Variants in DLG2 observed in about 807,000 individuals in gnomAD.
DLG2 encodes the protein disks large homolog 2.
In DLG2, 45 loss-of-function variants were observed where a neutral mutation model predicts 132.5. The ratio of observed to expected loss-of-function variants is 0.34; its 90% CI spans 0.27 to 0.44. The LOEUF is 0.44. Among genes scored for constraint, DLG2 ranks in the 20% least tolerant of loss-of-function variants. The pLI is 1.00. For synonymous variants in DLG2, 424 were observed against 419.6 expected (o/e 1.01, Z -0.13); for missense variants, 1,045 against 1,196.9 (o/e 0.87, Z 1.87).
chr11:85,331,192 A>T (rs143738544), intron 3 of DLG2, among the ~76,000 whole-genome samples: 20 of 152,282 alleles, frequency 1.3e-4, no homozygotes, highest in Non-Finnish European at 2.5e-4. Flanking sequence ...TGGCCTATGG[A>T]CATGTGGCAT....
chr11:84,947,593 C>A (rs907491562), intron 6 of DLG2, among the ~76,000 whole-genome samples: 2 of 152,192 alleles, frequency 1.3e-5, no homozygotes, highest in African/African-American at 4.8e-5. Flanking sequence ...TACACCCTTA[C>A]CCACTTTTGA....
At chr11:83,927,999 C>A (rs1486571155) in intron 15 of DLG2, among the ~76,000 whole-genome samples, 1 of 151,912 alleles carries the variant, frequency 6.6e-6, no homozygotes, top group Non-Finnish European at 1.5e-5. Flanking sequence ...GGAGGAGGAG[C>A]AAAGTGGGGT....
At chr11:84,714,567 C>CTCTTTCTCTTTCTCTTTCTCTTTCTCTT (rs1210050530) in intron 6 of DLG2, among the ~76,000 whole-genome samples, 1 of 120,128 alleles carries the variant, frequency 8.3e-6, no homozygotes, top group Non-Finnish European at 1.6e-5. Flanking sequence ...CTTTCTCTTT[C>CTCTTTCTCTTTCTCTTTCTCTTTCTCTT]TCTTTCTCTT....
At chr11:84,073,412 C>T (rs1379340816) in intron 10 of DLG2, among the ~76,000 whole-genome samples, 1 of 151,696 alleles carries the variant, frequency 6.6e-6, no homozygotes, top group African/African-American at 2.4e-5. Flanking sequence ...AATAATAAGA[C>T]CTCAAATATA....
chr11:84,440,886 A>T (rs1449464173), intron 7 of DLG2, among the ~76,000 whole-genome samples: 1 of 152,180 alleles, frequency 6.6e-6, no homozygotes, highest in Non-Finnish European at 1.5e-5. Flanking sequence ...ATTTTTGTTT[A>T]AAAATAATCT....
chr11:85,011,074 C>T (rs1220677614), intron 6 of DLG2, among the ~76,000 whole-genome samples: 1 of 152,084 alleles, frequency 6.6e-6, no homozygotes. Flanking sequence ...CACTAATTGC[C>T]AATATGCCTC....
At chr11:83,890,811 C>G (rs1220357545) in intron 15 of DLG2, among the ~76,000 whole-genome samples, 1 of 152,002 alleles carries the variant, frequency 6.6e-6, no homozygotes, top group Non-Finnish European at 1.5e-5. Context: ...CTGAAATAAC[C>G]AATGGGTCGA....
intron 3 of DLG2, among the ~76,000 whole-genome samples, chr11:85,304,235 TTGTTCATCC>T (rs1160863970): frequency 6.6e-5 from 10 of 152,282 alleles, no homozygotes; most frequent in African/African-American, 1.9e-4. Context: ...TTAAATGTTA[TTGTTCATCC>T]ACTATGCATA....
intron 6 of DLG2, among the ~76,000 whole-genome samples, chr11:85,110,711 GC>G (rs2072586039): frequency 6.6e-6 from 1 of 151,950 alleles, no homozygotes; most frequent in South Asian, 2.1e-4. Flanking sequence ...GCTCCCCCAG[GC>G]TTACTGCTAA....
chr11:84,809,488 A>G (rs374420522), intron 6 of DLG2, among the ~76,000 whole-genome samples: 1 of 151,750 alleles, frequency 6.6e-6, no homozygotes, highest in South Asian at 2.1e-4. Flanking sequence ...TCCTATTTGC[A>G]TATGACATGA....
chr11:83,479,588 G>T (rs1308206300), intron 22 of DLG2, among the ~76,000 whole-genome samples: 6 of 152,102 alleles, frequency 3.9e-5, no homozygotes, highest in Non-Finnish European at 8.8e-5. Flanking sequence ...CCAAAAACCA[G>T]TAAGTAAGTA....
At chr11:83,927,010 G>A (rs756820024) in intron 15 of DLG2, among the ~76,000 whole-genome samples, 3 of 152,118 alleles carry the variant, frequency 2.0e-5, no homozygotes, top group Non-Finnish European at 4.4e-5. Flanking sequence ...GTGAAAGTAC[G>A]ACATAAAGTA....
At chr11:83,770,876 T>C (rs536016632) in intron 18 of DLG2, among the ~76,000 whole-genome samples, 12 of 152,070 alleles carry the variant, frequency 7.9e-5, no homozygotes, top group Admixed American at 3.9e-4. Context: ...AATAAGAAAA[T>C]CCACTTTTTT....
intron 19 of DLG2, among the ~76,000 whole-genome samples, chr11:83,604,001 T>A (rs1158080799): frequency 6.6e-6 from 1 of 152,194 alleles, no homozygotes; most frequent in Non-Finnish European, 1.5e-5. Context: ...ACTGCTGGTA[T>A]GAGTAGCTAA....
At chr11:85,459,647 T>A (rs2092540333) in intron 3 of DLG2, among the ~76,000 whole-genome samples, 1 of 152,100 alleles carries the variant, frequency 6.6e-6, no homozygotes, top group Non-Finnish European at 1.5e-5. Flanking sequence ...TTCCATATAG[T>A]GGCTGTAGTG....
intron 6 of DLG2, among the ~76,000 whole-genome samples, chr11:84,614,636 G>A (rs189427662): frequency 2.4e-4 from 37 of 152,264 alleles, no homozygotes; most frequent in African/African-American, 7.2e-4. Flanking sequence ...GCTAAATAGT[G>A]AATGACAAAT....
intron 9 of DLG2, among the ~76,000 whole-genome samples, chr11:84,109,554 T>C (rs899713219): frequency 2.0e-5 from 3 of 152,208 alleles, no homozygotes; most frequent in Non-Finnish European, 4.4e-5. Context: ...TCAGTGATAC[T>C]CCAACTACAA....
chr11:85,290,946 C>T (rs2078855383), intron 3 of DLG2, among the ~76,000 whole-genome samples: 1 of 152,082 alleles, frequency 6.6e-6, no homozygotes, highest in South Asian at 2.1e-4. Flanking sequence ...AACATATACT[C>T]AAAATATTTC....
chr11:84,556,883 A>T (rs1249100387), intron 6 of DLG2, among the ~76,000 whole-genome samples: 1 of 152,206 alleles, frequency 6.6e-6, no homozygotes, highest in Non-Finnish European at 1.5e-5. Context: ...AGTAATTTAC[A>T]TCAGCTATAC....
Sources: allele counts gnomAD v4.1 joint callset (sites outside exome capture counted in the v4.1 genomes callset), GRCh38; gene constraint gnomAD v4.1.1; transcripts MANE v1.5; gene names NCBI Gene and HGNC (gene_info 2026-07-23, HGNC 2026-07-21).